Variants in MTR observed in about 807,000 individuals in gnomAD.
The protein encoded by MTR is 5-methyltetrahydrofolate-homocysteine methyltransferase.
MTR carries 84 observed loss-of-function variants against 154.8 expected under a neutral mutation model. That is an observed-to-expected ratio of 0.54 (90% CI 0.45 to 0.65). The LOEUF (loss-of-function observed/expected upper bound fraction) is 0.65. Ranked by LOEUF, MTR falls within the 30% of genes least tolerant of loss-of-function variation. The pLI is 0.00. For missense variants in MTR, 1,275 were observed against 1,570.2 expected, an observed-to-expected ratio of 0.81 and a Z score of 3.18; for synonymous variants, 554 against 553.9, an observed-to-expected ratio of 1.00 and a Z score of 0.00.
chr1:236,818,826 A>G (rs1480956695), intron 8 of MTR, among the ~76,000 whole-genome samples: 1 of 152,252 alleles, frequency 6.6e-6, no homozygotes, highest in African/African-American at 2.4e-5. Context: ...ATACAGTCCA[A>G]TCTGGAATAG....
intron 15 of MTR, 93 bp from the exon 16 acceptor site, chr1:236,850,251 T>A (rs6658027): frequency 9.5e-6 from 3 of 314,688 alleles, no homozygotes; most frequent in African/African-American, 2.5e-5. Flanking sequence ...TTAATATTAA[T>A]ATTTTATTAA....
At chr1:236,800,400 T>G in intron 1 of MTR, 1 of 985,426 alleles carries the variant, frequency 1.0e-6, no homozygotes, top group Non-Finnish European at 1.2e-6. Context: ...GTCACCCACT[T>G]AAGTTCACGT....
chr1:236,896,252 G>A (rs1269131388), intron 31 of MTR, among the ~76,000 whole-genome samples: 2 of 152,164 alleles, frequency 1.3e-5, no homozygotes, highest in Non-Finnish European at 2.9e-5. Flanking sequence ...TAGTTGAGAT[G>A]GCCCAGGCTA....
At chr1:236,851,990 A>G (rs1207798364) in intron 16 of MTR, among the ~76,000 whole-genome samples, 2 of 152,178 alleles carry the variant, frequency 1.3e-5, no homozygotes. Context: ...TCTGTAGCAT[A>G]GACCCAGAAG....
chr1:236,833,300 A>G (rs1207705516), intron 13 of MTR, among the ~76,000 whole-genome samples: 1 of 152,192 alleles, frequency 6.6e-6, no homozygotes. Flanking sequence ...TAGATTTGAC[A>G]CTGAGAGCAT....
intron 19 of MTR, among the ~76,000 whole-genome samples, chr1:236,860,204 G>A (rs1664455495): frequency 1.3e-5 from 2 of 151,476 alleles, no homozygotes; most frequent in Admixed American, 6.6e-5. Context: ...GCAGTGCCCA[G>A]GACAGCCCCA....
chr1:236,869,094 C>CT (rs1394912360), intron 22 of MTR, among the ~76,000 whole-genome samples: 1 of 152,136 alleles, frequency 6.6e-6, no homozygotes, highest in Non-Finnish European at 1.5e-5. Context: ...AGCAGACAGG[C>CT]TGCCACCTTA....
chr1:236,844,455 T>TGA (rs1192236181), intron 15 of MTR, among the ~76,000 whole-genome samples: 1 of 132 alleles, frequency 7.6e-3, no homozygotes, highest in African/African-American at 0.029. Context: ...AGAAAGGGCG[T>TGA]GTGTGTGTGT....
At chr1:236,886,531 A>G (rs954994552) in intron 27 of MTR, among the ~76,000 whole-genome samples, 164 bp downstream of exon 27, 4 of 152,238 alleles carry the variant, frequency 2.6e-5, no homozygotes, top group African/African-American at 4.8e-5. Context: ...GGGAATAGGT[A>G]CCATTTATGG....
At chr1:236,884,055 A>T (rs901918785) in intron 25 of MTR, among the ~76,000 whole-genome samples, 2 of 152,342 alleles carry the variant, frequency 1.3e-5, no homozygotes, top group East Asian at 3.9e-4. Context: ...TGATAATCAT[A>T]ATAACAAATA....
Position 236,899,578 on chromosome 1 carries a change from C to G in MTR, c.*1934C>G, listed in dbSNP as rs1267748914. 6.6e-6 allele frequency: 1 copy of G among 152,122 alleles called. No individual in the cohort carries two copies. The highest frequency in any genetic ancestry group is 1.5e-5 in the Non-Finnish European group (1 of 68,014). The allele number at this position is 152,122 out of a possible 1,614,324, so 9.4% of individuals were successfully genotyped here. A position where few individuals can be genotyped will look rare whatever the true frequency, so the allele number is the denominator to read the frequency against. ...ATTGTCAGTGTTTGGATGAAAAAAG[C>G]CTTAGGGCAGGAAAGAATCTCTTGA... On this transcript the variant is annotated 3_prime_UTR_variant, in exon 33 of 33. Transcript: ENST00000366577.
chr1:236,874,289 C>T (rs535021762), intron 23 of MTR, among the ~76,000 whole-genome samples: 3 of 152,162 alleles, frequency 2.0e-5, no homozygotes, highest in East Asian at 3.9e-4. Context: ...GAATTAGAAA[C>T]TGGGGATGGG....
rs151281658 is a variant in MTR, at chr1:236,902,391, G to A, written c.*4747G>A. The stretch of plus-strand genomic sequence containing the variant: ...ATGCACATTTCATACAGCCCTTGCT[G>A]AAACTTCATCTAGTTCTCTGTTAGA... On this transcript the variant is annotated 3_prime_UTR_variant, in exon 33 of 33. Coordinates refer to ENST00000366577, the MANE Select transcript of MTR (RefSeq NM_000254.3). The A allele has an allele frequency of 2.0e-4, 31 of 152,244 alleles. No individual in the cohort carries two copies. The East Asian group carries it at 4.1e-3, about 20-fold the overall frequency. 9.4% of individuals were successfully genotyped at this position (152,244 alleles called of 1,614,324 possible).
intron 2 of MTR, 78 bp downstream of exon 2, chr1:236,803,720 T>G: frequency 7.3e-7 from 1 of 1,371,016 alleles, no homozygotes; most frequent in East Asian, 2.3e-5. Flanking sequence ...CAGGCTGCTA[T>G]GCCGAGTGCT....
intron 22 of MTR, among the ~76,000 whole-genome samples, chr1:236,865,456 T>C (rs1418202739): frequency 6.6e-6 from 1 of 152,248 alleles, no homozygotes; most frequent in African/African-American, 2.4e-5. Context: ...GCTAGTATGC[T>C]TGAAGGAATT....
At chr1:236,801,776 A>G (rs958927422) in intron 1 of MTR, among the ~76,000 whole-genome samples, 6 of 152,180 alleles carry the variant, frequency 3.9e-5, no homozygotes, top group Non-Finnish European at 8.8e-5. Context: ...TTTGAGTAAC[A>G]TGTATTCAGT....
chr1:236,861,321 T>C (rs181648955), intron 20 of MTR, 44 bp downstream of exon 20: 23 of 1,613,264 alleles, frequency 1.4e-5, no homozygotes, highest in Middle Eastern at 1.7e-4. Flanking sequence ...GCATCTTTTC[T>C]TTGTCATTTA....
At chr1:236,836,740 T>C (rs1317672361) in intron 14 of MTR, among the ~76,000 whole-genome samples, 1 of 152,204 alleles carries the variant, frequency 6.6e-6, no homozygotes, top group Non-Finnish European at 1.5e-5. Flanking sequence ...TTGTCATTCC[T>C]CTGGGAGTAA....
At position 236,811,983 on chromosome 1, in the gene MTR, C is replaced by T. The variant is rs747148486; in HGVS notation, c.503-755C>T. Reference sequence around the variant, plus strand: ...GCAGCCTCCACCTCCTGGGTTTGAGCGATTATCCTGTCTCACTCTCCCCAG... The same window carrying T: ...GCAGCCTCCACCTCCTGGGTTTGAGTGATTATCCTGTCTCACTCTCCCCAG... On this transcript the variant is annotated intron_variant, in intron 5 of 32. Transcript: ENST00000366577. Among the ~76,000 whole-genome samples the T allele has an allele frequency of 3.3e-5, 5 of 152,170 alleles. No individual in the cohort carries two copies. In the South Asian group the frequency reaches 6.2e-4, roughly 19 times the overall value.
Sources: gnomAD v4.1 joint callset for allele counts (sites outside exome capture counted in the v4.1 genomes callset) on GRCh38, gnomAD v4.1.1 for gene constraint, MANE v1.5 for transcripts, NCBI Gene and HGNC (gene_info 2026-07-23, HGNC 2026-07-21) for gene names.